SEMA3A: variants seen among roughly 807,000 people sequenced by gnomAD.
SEMA3A encodes semaphorin-3A.
In SEMA3A, 29 loss-of-function variants were observed where a neutral mutation model predicts 97.9. The observed-to-expected ratio is 0.30, with a 90% CI of 0.22 to 0.40. The LOEUF (loss-of-function observed/expected upper bound fraction) is 0.40, where lower values mean the gene tolerates loss of function less well. Among genes scored for constraint, SEMA3A ranks in the 10% least tolerant of loss-of-function variants. The pLI is 1.00. For synonymous variants in SEMA3A, 321 were observed against 323.7 expected (o/e 0.99, Z 0.09); for missense variants, 763 against 951.3 (o/e 0.80, Z 2.60).
At chr7:84,273,716 T>C (rs1800214234) in intron 3 of SEMA3A, among the ~76,000 whole-genome samples, 1 of 152,158 alleles carries the variant, frequency 6.6e-6, no homozygotes, top group Non-Finnish European at 1.5e-5. Context: ...TATATATACA[T>C]GCAATGTAAA....
At chr7:84,149,613 G>C (rs1796567866) in intron 1 of SEMA3A, among the ~76,000 whole-genome samples, 1 of 152,108 alleles carries the variant, frequency 6.6e-6, no homozygotes, top group Non-Finnish European at 1.5e-5. Flanking sequence ...TTATAGATTG[G>C]GCAAAAATAT....
At chr7:84,209,055 A>G (rs1194606962) in intron 3 of SEMA3A, among the ~76,000 whole-genome samples, 1 of 152,188 alleles carries the variant, frequency 6.6e-6, no homozygotes, top group Non-Finnish European at 1.5e-5. Flanking sequence ...GCATTTTAGA[A>G]TCTTATTGTT....
At chr7:84,203,526 A>ATATATTT (rs372380784) in intron 3 of SEMA3A, among the ~76,000 whole-genome samples, 28 of 25,674 alleles carry the variant, frequency 1.1e-3, no homozygotes, top group East Asian at 4.4e-3. Context: ...ATATATATAT[A>ATATATTT]TTTTTTTTTT....
At chr7:84,303,941 G>A (rs1428226109) in intron 3 of SEMA3A, among the ~76,000 whole-genome samples, 1 of 152,060 alleles carries the variant, frequency 6.6e-6, no homozygotes, top group Non-Finnish European at 1.5e-5. Flanking sequence ...AAGTTTGGGA[G>A]TATCCATCCT....
At chr7:84,136,202 C>T (rs1288229886) in intron 1 of SEMA3A, among the ~76,000 whole-genome samples, 7 of 152,082 alleles carry the variant, frequency 4.6e-5, no homozygotes, top group Admixed American at 3.9e-4. Context: ...ATGTAGAATG[C>T]GATGTGCCTT....
intron 3 of SEMA3A, among the ~76,000 whole-genome samples, chr7:84,285,026 C>T (rs527467754): frequency 2.6e-5 from 4 of 152,074 alleles, no homozygotes; most frequent in African/African-American, 4.8e-5. Flanking sequence ...TGGCAGTGCA[C>T]GTTCTCCACT....
chr7:84,230,847 T>A (rs1799100769), intron 3 of SEMA3A, among the ~76,000 whole-genome samples: 1 of 152,014 alleles, frequency 6.6e-6, no homozygotes, highest in African/African-American at 2.4e-5. Flanking sequence ...TTTTTAAAAA[T>A]GTTTTTTATA....
At chr7:84,285,411 A>G (rs1046658409) in intron 3 of SEMA3A, among the ~76,000 whole-genome samples, 11 of 152,220 alleles carry the variant, frequency 7.2e-5, no homozygotes, top group African/African-American at 2.7e-4. Flanking sequence ...CATCCATGCG[A>G]AATTTAATTT....
chr7:84,388,226 T>A (rs1166246626), intron 1 of SEMA3A, among the ~76,000 whole-genome samples: 2 of 152,054 alleles, frequency 1.3e-5, no homozygotes, highest in Non-Finnish European at 2.9e-5. Flanking sequence ...GAGCTTAAGC[T>A]TTTGCAAGAC....
chr7:84,375,922 G>A (rs1304088667), intron 1 of SEMA3A, among the ~76,000 whole-genome samples: 2 of 152,060 alleles, frequency 1.3e-5, no homozygotes, highest in Admixed American at 6.5e-5. Context: ...AGCTACCATA[G>A]GTGAGATAAA....
At chr7:84,107,099 A>G (rs116057364) in intron 4 of SEMA3A, among the ~76,000 whole-genome samples, 200 of 152,250 alleles carry the variant, frequency 1.3e-3, no homozygotes, top group African/African-American at 4.6e-3. Context: ...AAACTCTATG[A>G]CAGTTTATGA....
intron 1 of SEMA3A, among the ~76,000 whole-genome samples, chr7:84,451,000 C>CTTTTTAATTTGATGTAAT (rs1805540401): frequency 6.6e-6 from 1 of 151,534 alleles, no homozygotes; most frequent in Non-Finnish European, 1.5e-5. Flanking sequence ...TTTGTAGAAG[C>CTTTTTAATTTGATGTAAT]TTTTTAATTT....
At chr7:84,320,155 C>T (rs1389126757) in intron 2 of SEMA3A, among the ~76,000 whole-genome samples, 1 of 152,064 alleles carries the variant, frequency 6.6e-6, no homozygotes, top group East Asian at 1.9e-4. Context: ...CTTGACCACA[C>T]ATCAAGATAA....
chr7:84,067,463 A>T lies in SEMA3A; in HGVS notation c.454-6905T>A, dbSNP rs1000077221. On this transcript the variant is annotated intron_variant, in intron 4 of 16. Transcript: ENST00000265362. ...AAAGAGCTTCTGCACAGCAAAAGAA[A>T]CTACCATCAGAGTGAACAGGCAACC... Among the ~76,000 whole-genome samples, 375 of 151,562 alleles carry T rather than the reference A, an allele frequency of 2.5e-3. 2 individuals carry two copies. Among genetic ancestry groups the T allele is most frequent in the African/African-American group, 8.5e-3 (352 of 41,452 alleles).
At chr7:84,343,876 T>G (rs1397565842) in intron 2 of SEMA3A, among the ~76,000 whole-genome samples, 2 of 152,004 alleles carry the variant, frequency 1.3e-5, no homozygotes, top group Non-Finnish European at 1.5e-5. Flanking sequence ...TGTGGTGGCA[T>G]GCACCTGTAT....
chr7:84,078,381 G>T (rs2107738), intron 4 of SEMA3A, among the ~76,000 whole-genome samples: 139,081 of 152,114 alleles, frequency 0.91, 63,642 homozygotes, highest in East Asian at 0.95. Context: ...TTTTAAAAAA[G>T]CTATTACTAT....
Position 84,368,118 on chromosome 7 carries a change from C to T in SEMA3A, c.-169+3706G>A, listed in dbSNP as rs185073160. 6.0e-5 allele frequency among the ~76,000 whole-genome samples: 9 copies of T among 151,192 alleles called. No homozygotes were observed. The East Asian group carries it at 1.7e-3, about 29-fold the overall frequency. ...TTATAACATAAAATATTTAAGCTCA[C>T]TTATAGATAACCCATGGTATTTCTA... On this transcript the variant is annotated intron_variant, in intron 2 of 3. Coordinates refer to the SEMA3A transcript ENST00000424555.
intron 12 of SEMA3A, among the ~76,000 whole-genome samples, chr7:83,993,518 C>CA (rs1403517186): frequency 6.6e-6 from 1 of 150,734 alleles, no homozygotes; most frequent in Non-Finnish European, 1.5e-5. Flanking sequence ...CTGGTGGTGA[C>CA]AAAATCTCTC....
At chr7:84,484,928 G>C (rs1806537449) in intron 1 of SEMA3A, among the ~76,000 whole-genome samples, 1 of 152,118 alleles carries the variant, frequency 6.6e-6, no homozygotes, top group African/African-American at 2.4e-5. Context: ...CTGCATGTGG[G>C]CATCTTGGCA....
Sources: gnomAD v4.1 joint callset for allele counts (sites outside exome capture counted in the v4.1 genomes callset) on GRCh38, gnomAD v4.1.1 for gene constraint, MANE v1.5 for transcripts, NCBI Gene and HGNC (gene_info 2026-07-23, HGNC 2026-07-21) for gene names.